Variants in DIP2B observed in about 807,000 individuals in gnomAD.
DIP2B encodes DIP2 acetate--CoA ligase B (putative), also known as disco-interacting protein 2 homolog B.
DIP2B carries 76 observed loss-of-function variants against 198.0 expected under a neutral mutation model. The observed-to-expected ratio is 0.38, with a 90% confidence interval of 0.32 to 0.46. DIP2B has a LOEUF of 0.46. DIP2B is among the 20% of genes least tolerant of loss of function. The pLI is 0.99. For missense variants in DIP2B, 1,559 were observed against 1,978.4 expected (o/e 0.79, Z 4.02); for synonymous variants, 701 against 739.1 (o/e 0.95, Z 0.84).
At chr12:50,737,633 TCTCA>T (rs1170363714) in intron 35 of DIP2B, among the ~76,000 whole-genome samples, 2 of 152,180 alleles carry the variant, frequency 1.3e-5, no homozygotes, top group East Asian at 3.9e-4. Context: ...TTTGAGACAG[TCTCA>T]CTCTGTTGCC....
intron 1 of DIP2B, among the ~76,000 whole-genome samples, chr12:50,587,135 C>A (rs1017551111): frequency 6.6e-6 from 1 of 152,138 alleles, no homozygotes; most frequent in African/African-American, 2.4e-5. Flanking sequence ...CCTTTCACTT[C>A]CAGATACAGT....
At chr12:50,568,486 T>C (rs1958585238) in intron 1 of DIP2B, among the ~76,000 whole-genome samples, 1 of 152,206 alleles carries the variant, frequency 6.6e-6, no homozygotes, top group South Asian at 2.1e-4. Context: ...CTGAGCAGTA[T>C]ACGGGAATTT....
intron 22 of DIP2B, among the ~76,000 whole-genome samples, chr12:50,713,556 T>G (rs548319510): frequency 6.6e-6 from 1 of 152,328 alleles, no homozygotes; most frequent in South Asian, 2.1e-4. Context: ...CAGGGTAGCT[T>G]GTGGCCTCCA....
intron 1 of DIP2B, among the ~76,000 whole-genome samples, chr12:50,570,971 C>T (rs1162523806): frequency 6.6e-6 from 1 of 151,998 alleles, no homozygotes. Context: ...TTACTATGAC[C>T]CAGCTGTTGT....
intron 10 of DIP2B, among the ~76,000 whole-genome samples, chr12:50,684,821 G>T (rs567345918): frequency 1.3e-5 from 2 of 151,386 alleles, no homozygotes; most frequent in South Asian, 4.2e-4. Context: ...CCGGGCCGCA[G>T]TGGCTTATGC....
chr12:50,731,578 C>T (rs1432657453), intron 31 of DIP2B, 41 bp downstream of exon 31: 1 of 1,577,730 alleles, frequency 6.3e-7, no homozygotes. Flanking sequence ...CCAAAAGGTT[C>T]TGAAGAAATG....
intron 3 of DIP2B, among the ~76,000 whole-genome samples, chr12:50,654,783 T>C (rs1938525748): frequency 6.6e-6 from 1 of 152,188 alleles, no homozygotes; most frequent in African/African-American, 2.4e-5. Flanking sequence ...ATGTTTAATC[T>C]CATTAATGAT....
At chr12:50,708,354 G>A in intron 21 of DIP2B, 94 bp from the exon 22 acceptor site, 1 of 1,072,068 alleles carries the variant, frequency 9.3e-7, no homozygotes, top group Non-Finnish European at 1.4e-6. Context: ...TGGGTAGCAT[G>A]GTGGGGTTGT....
At chr12:50,564,576 G>A (rs931488089) in intron 1 of DIP2B, among the ~76,000 whole-genome samples, 11 of 152,080 alleles carry the variant, frequency 7.2e-5, no homozygotes, top group African/African-American at 1.9e-4. Flanking sequence ...GAATGGCAGC[G>A]TTTCTTTATA....
At chr12:50,697,446 C>G (rs1227067014) in intron 17 of DIP2B, among the ~76,000 whole-genome samples, 1 of 146,702 alleles carries the variant, frequency 6.8e-6, no homozygotes, top group Non-Finnish European at 1.5e-5. Flanking sequence ...TTGATTGTAG[C>G]TTAAGTATGG....
chr12:50,623,437 ACTCTCTCTCTCT>A (rs142536204), intron 1 of DIP2B, among the ~76,000 whole-genome samples: 2 of 57,112 alleles, frequency 3.5e-5, no homozygotes, highest in African/African-American at 1.5e-4. Context: ...ACACACACAC[ACTCTCTCTCTCT>A]CTCTCTCTCT....
chr12:50,634,982 A>G (rs1593674117), intron 2 of DIP2B, among the ~76,000 whole-genome samples: 1 of 152,172 alleles, frequency 6.6e-6, no homozygotes, highest in African/African-American at 2.4e-5. Context: ...TCCACCCTCA[A>G]TAGATCTTTT....
At chr12:50,545,552 AT>A (rs567470784) in intron 1 of DIP2B, among the ~76,000 whole-genome samples, 1 of 151,348 alleles carries the variant, frequency 6.6e-6, no homozygotes. Flanking sequence ...ATTAAAAAAA[AT>A]TTTTTTACAG....
chr12:50,612,728 CT>C (rs1163194498), intron 1 of DIP2B, among the ~76,000 whole-genome samples: 9 of 152,202 alleles, frequency 5.9e-5, no homozygotes, highest in Admixed American at 1.3e-4. Flanking sequence ...CACACCCAGC[CT>C]TTCCCATAAT....
intron 2 of DIP2B, among the ~76,000 whole-genome samples, chr12:50,634,762 ATTC>A (rs1938126592): frequency 6.6e-6 from 1 of 151,780 alleles, no homozygotes. Flanking sequence ...ATTTTTTTTT[ATTC>A]TTCATGTCCC....
intron 12 of DIP2B, among the ~76,000 whole-genome samples, chr12:50,690,390 T>G (rs920055425): frequency 1.3e-5 from 2 of 152,132 alleles, no homozygotes; most frequent in African/African-American, 4.8e-5. Context: ...CCAGCCAAAA[T>G]TTTTTTAAAG....
intron 1 of DIP2B, among the ~76,000 whole-genome samples, chr12:50,535,618 G>T (rs906648589): frequency 6.6e-6 from 1 of 151,786 alleles, no homozygotes; most frequent in Non-Finnish European, 1.5e-5. Flanking sequence ...TGATCCTCCT[G>T]CCTCGGTCTC....
At position 50,695,296 on chromosome 12, in the gene DIP2B, C is replaced by T. The variant is rs765181219; in HGVS notation, c.1749C>T (p.Ser583=). The change falls in exon 15 of 38, where the codon AGC becomes AGT. Residue 583 remains serine, a synonymous_variant. Coordinates refer to ENST00000301180, the MANE Select transcript of DIP2B (RefSeq NM_173602.3). ...TAATGAATAAGATGCACACAATCAG[C>T]GTACCCTACTCTGTTATGAAAACCT... ...ANVMNKMHTI[S]VPYSVMKTCP... 13 of 1,613,744 alleles carry T rather than the reference C, an allele frequency of 8.1e-6. No individual in the cohort carries two copies. The highest frequency in any genetic ancestry group is 1.3e-5 in the African/African-American group (1 of 74,892).
intron 28 of DIP2B, among the ~76,000 whole-genome samples, chr12:50,725,541 G>A (rs150854324): frequency 1.4e-4 from 21 of 152,260 alleles, no homozygotes; most frequent in Admixed American, 2.0e-4. Flanking sequence ...AAGTCCTGCT[G>A]TATCTGCTAC....
Sources: gnomAD v4.1 joint callset for allele counts (sites outside exome capture counted in the v4.1 genomes callset) on GRCh38, gnomAD v4.1.1 for gene constraint, MANE v1.5 for transcripts, NCBI Gene and HGNC (gene_info 2026-07-23, HGNC 2026-07-21) for gene names.